The following SEMA3D variants were observed in gnomAD, a reference collection of about 807,000 sequenced individuals.
SEMA3D encodes semaphorin 3D.
In SEMA3D, 84 loss-of-function variants were observed where a neutral mutation model predicts 100.1. The ratio of observed to expected loss-of-function variants is 0.84; its 90% CI spans 0.70 to 1.01. SEMA3D has a LOEUF of 1.01. Among genes scored for constraint, SEMA3D ranks in the 50% least tolerant of loss-of-function variants. The probability of loss-of-function intolerance (pLI) is 0.00; values close to 1 mark genes in which losing one functional copy is unlikely to be tolerated. For missense variants in SEMA3D, 875 were observed against 934.1 expected (o/e 0.94, Z 0.82); for synonymous variants, 312 against 320.7 (o/e 0.97, Z 0.29).
intron 6 of SEMA3D, among the ~76,000 whole-genome samples, chr7:85,069,834 A>T (rs1791723926): frequency 6.6e-6 from 1 of 152,212 alleles, no homozygotes; most frequent in Non-Finnish European, 1.5e-5. Flanking sequence ...CAAGCATTAA[A>T]CAGCTTTCAA....
intron 12 of SEMA3D, chr7:85,029,137 T>C (rs1240991382): frequency 4.8e-6 from 3 of 627,068 alleles, no homozygotes; most frequent in Non-Finnish European, 9.0e-6. Context: ...GCCTAGCATG[T>C]CATTGCCAAG....
chr7:85,127,692 C>T (rs367776355), intron 2 of SEMA3D, among the ~76,000 whole-genome samples: 5 of 152,098 alleles, frequency 3.3e-5, no homozygotes, highest in Non-Finnish European at 4.4e-5. Context: ...TTTCCTCATC[C>T]TAAATCTCAA....
chr7:85,062,882 C>T (rs996681014), intron 8 of SEMA3D, among the ~76,000 whole-genome samples: 2 of 152,032 alleles, frequency 1.3e-5, no homozygotes, highest in African/African-American at 4.8e-5. Flanking sequence ...GATGGATGAG[C>T]TCACAGAATT....
At position 85,025,921 on chromosome 7, in the gene SEMA3D, T is replaced by A. The variant is rs115300055; in HGVS notation, c.1192-3308A>T. On this transcript the variant is annotated intron_variant, in intron 12 of 18. Coordinates refer to ENST00000284136, the MANE Select transcript of SEMA3D (RefSeq NM_001384900.1). The stretch of plus-strand genomic sequence containing the variant: ...GTTCCCTTTCTCTTAAAGGAATTTC[T>A]ATGCCAGAAAAAGCAAAACACTATT... Among the ~76,000 whole-genome samples the A allele has an allele frequency of 4.1e-3, 626 of 152,160 alleles. 5 individuals carry two copies. The highest frequency in any genetic ancestry group is 0.014 in the African/African-American group (602 of 41,552).
At chr7:85,178,730 G>C (rs1791311119) in intron 1 of SEMA3D, among the ~76,000 whole-genome samples, 1 of 152,190 alleles carries the variant, frequency 6.6e-6, no homozygotes, top group Non-Finnish European at 1.5e-5. Flanking sequence ...TAAGTAACTA[G>C]GAGCCAAATG....
At chr7:85,076,359 T>C (rs905422447) in intron 5 of SEMA3D, among the ~76,000 whole-genome samples, 1 of 152,194 alleles carries the variant, frequency 6.6e-6, no homozygotes, top group Non-Finnish European at 1.5e-5. Context: ...CTCTCATATA[T>C]ATTCATACAT....
At position 85,097,916 on chromosome 7, in the gene SEMA3D, T is replaced by A; in HGVS notation, c.201A>T (p.Gly67=). The change falls in exon 4 of 19, where the codon GGA becomes GGT. Residue 67 remains glycine (G), a synonymous_variant. Transcript: ENST00000284136. ...CTAAGAGAAGAGTTTGAAAATCCAG[T>A]CCTTCTGATGAACCCAAAAAGGGAA... ...SCIPFLGSSE[G]LDFQTLLLDE... 6.2e-7 allele frequency: 1 copy of A among 1,608,636 alleles called. No homozygotes were observed. The highest frequency in any genetic ancestry group is 8.5e-7 in the Non-Finnish European group (1 of 1,176,882).
chr7:85,093,139 A>T (rs1300799363), intron 4 of SEMA3D, among the ~76,000 whole-genome samples: 2 of 151,980 alleles, frequency 1.3e-5, no homozygotes, highest in Non-Finnish European at 2.9e-5. Flanking sequence ...AAAAAGAAAA[A>T]ATCAGTCTTC....
chr7:85,088,195 GAC>G (rs1788280927), intron 4 of SEMA3D, among the ~76,000 whole-genome samples: 1 of 152,068 alleles, frequency 6.6e-6, no homozygotes, highest in East Asian at 1.9e-4. Context: ...GAAAATGTCA[GAC>G]AATTAATTTT....
chr7:85,040,817 A>G, intron 10 of SEMA3D, 75 bp from the exon 11 acceptor site: 1 of 707,720 alleles, frequency 1.4e-6, no homozygotes, highest in Non-Finnish European at 2.5e-6. Flanking sequence ...AACACAACTG[A>G]AACTCTGAAA....
intron 1 of SEMA3D, among the ~76,000 whole-genome samples, chr7:85,178,374 C>T (rs1415261347): frequency 6.6e-6 from 1 of 152,118 alleles, no homozygotes; most frequent in South Asian, 2.1e-4. Context: ...ACTTCTGAGA[C>T]TTGTTGAATG....
the SEMA3D span, among the ~76,000 whole-genome samples, chr7:85,209,200 C>G: frequency 6.6e-6 from 1 of 151,792 alleles, no homozygotes; most frequent in African/African-American, 2.4e-5. Flanking sequence ...AAATGGTAAA[C>G]TACCATTTCT....
rs1789566648 is a variant in SEMA3D at position 84,998,614 on chromosome 7, C to A, written c.*826G>T. The stretch of plus-strand genomic sequence containing the variant: ...TTTCCTTCTGTCTTCTAACAAATCC[C>A]ATCTGCATGCCTTCCCATCAGGATG... On this transcript the variant is annotated 3_prime_UTR_variant, in exon 19 of 19. Transcript: ENST00000284136. The A allele has an allele frequency of 6.6e-6, 1 of 152,148 alleles. No individual in the cohort carries two copies. The highest frequency in any genetic ancestry group is 1.5e-5 in the Non-Finnish European group (1 of 68,012). 9.4% of individuals were successfully genotyped at this position (152,148 alleles called of 1,614,324 possible). A position where few individuals can be genotyped will look rare whatever the true frequency, so the allele number is the denominator to read the frequency against.
At chr7:85,221,182 T>A in the SEMA3D span, among the ~76,000 whole-genome samples, 1 of 152,018 alleles carries the variant, frequency 6.6e-6, no homozygotes, top group Non-Finnish European at 1.5e-5. Context: ...GCAATTTTAT[T>A]TTGGACAGTG....
the SEMA3D span, among the ~76,000 whole-genome samples, chr7:85,239,367 T>A: frequency 6.6e-6 from 1 of 152,178 alleles, no homozygotes; most frequent in Non-Finnish European, 1.5e-5. Context: ...CACTGCCACG[T>A]GAGGAAACAG....
intron 5 of SEMA3D, among the ~76,000 whole-genome samples, chr7:85,078,041 T>G (rs1476717921): frequency 6.6e-6 from 1 of 152,132 alleles, no homozygotes; most frequent in Non-Finnish European, 1.5e-5. Flanking sequence ...CTCATGGCAG[T>G]CTGTGAAGTA....
chr7:85,140,218 AT>A, intron 2 of SEMA3D: 1 of 681,004 alleles, frequency 1.5e-6, no homozygotes, highest in Non-Finnish European at 1.8e-6. Context: ...AAAATGTTTT[AT>A]TTTACTCAAT....
At chr7:85,143,136 C>T in intron 2 of SEMA3D, 1 of 980,650 alleles carries the variant, frequency 1.0e-6, no homozygotes, top group Non-Finnish European at 1.2e-6. Context: ...GTACAACACA[C>T]AATTAGGTAT....
intron 2 of SEMA3D, among the ~76,000 whole-genome samples, chr7:85,152,945 A>G (rs916333364): frequency 2.0e-5 from 3 of 152,180 alleles, no homozygotes; most frequent in African/African-American, 7.2e-5. Flanking sequence ...AGCAATCACA[A>G]GAAAGCTATG....
Sources: gnomAD v4.1 joint callset for allele counts (sites outside exome capture counted in the v4.1 genomes callset) on GRCh38, gnomAD v4.1.1 for gene constraint, MANE v1.5 for transcripts, NCBI Gene and HGNC (gene_info 2026-07-23, HGNC 2026-07-21) for gene names.